The following PHACTR2 variants were observed in gnomAD, a reference collection of about 807,000 sequenced individuals.
PHACTR2 encodes chromosome 6 open reading frame 56.
Under a neutral mutation model 76.0 loss-of-function variants are expected in PHACTR2, and 30 were observed. The observed-to-expected ratio is 0.39, with a 90% CI of 0.30 to 0.54. The LOEUF is 0.54. Ranked by LOEUF, PHACTR2 falls within the 20% of genes least tolerant of loss-of-function variation. The probability of loss-of-function intolerance (pLI) is 0.61; values close to 1 mark genes in which losing one functional copy is unlikely to be tolerated. For synonymous variants in PHACTR2, 292 were observed against 292.5 expected (o/e 1.00, Z 0.02); for missense variants, 696 against 781.1 (o/e 0.89, Z 1.30).
rs1295654766 is a variant in PHACTR2, at chr6:143,696,780, A to T, written c.47-15236A>T. Reference sequence around the variant, plus strand: ...CAAAACAAACCATTTTCTTCTCTGGAAGCTTTAGTGTGGAAATACCTAAGT... The same window carrying T: ...CAAAACAAACCATTTTCTTCTCTGGTAGCTTTAGTGTGGAAATACCTAAGT... On this transcript the variant is annotated intron_variant, in intron 1 of 12. Coordinates refer to ENST00000440869, the MANE Select transcript of PHACTR2 (RefSeq NM_001100164.2). This position sits in a 1 kb window ranked among gnomAD's most constrained non-coding sequence, Gnocchi z 4.1. 1.3e-5 allele frequency among the ~76,000 whole-genome samples: 2 copies of T among 152,182 alleles called. No individual in the cohort carries two copies. Among genetic ancestry groups the T allele is most frequent in the Non-Finnish European group, 2.9e-5 (2 of 68,030 alleles).
chr6:143,568,195 C>T (rs1294937260), intron 1 of PHACTR2, among the ~76,000 whole-genome samples: 2 of 152,122 alleles, frequency 1.3e-5, no homozygotes, highest in Non-Finnish European at 2.9e-5. Flanking sequence ...AATCCCAGAC[C>T]TGGTTTTGCC....
In PHACTR2 at chr6:143,646,051, G is replaced by C. The variant is rs1421776271; in HGVS notation, c.13+37729G>C. 1.3e-5 allele frequency among the ~76,000 whole-genome samples: 2 copies of C among 152,108 alleles called. No individual in the cohort carries two copies. Among genetic ancestry groups the C allele is most frequent in the African/African-American group, 4.8e-5 (2 of 41,432 alleles). On this transcript the variant is annotated intron_variant, in intron 1 of 11. Coordinates refer to the PHACTR2 transcript ENST00000305766. The surrounding 1 kb of genome is among the most constrained non-coding windows in gnomAD (Gnocchi z 4.1). ...AAAACTGGAGAAGAATAATTATGCA[G>C]AGATAAACGTGTCAGAAACAATAGA... is the stretch of plus-strand genomic sequence containing the variant.
chr6:143,768,762 G>T (rs1775020303), intron 6 of PHACTR2, among the ~76,000 whole-genome samples: 1 of 152,202 alleles, frequency 6.6e-6, no homozygotes, highest in Non-Finnish European at 1.5e-5. Flanking sequence ...TACATCATTA[G>T]CCATTGAGGC....
intron 6 of PHACTR2, among the ~76,000 whole-genome samples, chr6:143,766,535 T>G (rs1212454479): frequency 6.6e-6 from 1 of 152,232 alleles, no homozygotes; most frequent in Non-Finnish European, 1.5e-5. Flanking sequence ...GAAGCAGCAT[T>G]GAAGATAAGA....
rs1012274157 is a variant in PHACTR2, at chr6:143,546,146, T to G, written c.217+8939T>G. On this transcript the variant is annotated intron_variant, in intron 1 of 11. Coordinates refer to the PHACTR2 transcript ENST00000367584. This position sits in a 1 kb window ranked among gnomAD's most constrained non-coding sequence, Gnocchi z 4.9. ...TTAAAATACCATGCTGAGTGACTCA[T>G]TATCTTTGATCACACTTGCTGAAAT... 2.0e-5 allele frequency among the ~76,000 whole-genome samples: 3 copies of G among 152,324 alleles called. No homozygotes were observed. Among genetic ancestry groups the G allele is most frequent in the South Asian group, 2.1e-4 (1 of 4,828 alleles).
intron 6 of PHACTR2, among the ~76,000 whole-genome samples, chr6:143,766,725 C>G (rs1779570747): frequency 6.6e-6 from 1 of 152,180 alleles, no homozygotes; most frequent in Admixed American, 6.5e-5. Context: ...AGCTGGAAAC[C>G]TGGGGTTCAT....
chr6:143,613,273 C>T (rs941857496), intron 1 of PHACTR2, among the ~76,000 whole-genome samples: 1 of 152,210 alleles, frequency 6.6e-6, no homozygotes, highest in Non-Finnish European at 1.5e-5. Context: ...CCGCGCCCGG[C>T]CCATGTAAAG....
rs941893740 is a variant in PHACTR2 at position 143,656,996 on chromosome 6, C to T, written c.13+48674C>T. On this transcript the variant is annotated intron_variant, in intron 1 of 11. Transcript: ENST00000305766. This position sits in a 1 kb window ranked among gnomAD's most constrained non-coding sequence, Gnocchi z 5.3. The stretch of plus-strand genomic sequence containing the variant: ...TTTACTTTTCAAAAATTGTGGTACA[C>T]ACTGCATCTTCTCACTCATAAGTAG... 2.0e-5 allele frequency among the ~76,000 whole-genome samples: 3 copies of T among 150,880 alleles called. No homozygotes were observed. Among genetic ancestry groups the T allele is most frequent in the Non-Finnish European group, 4.4e-5 (3 of 67,896 alleles).
rs933595200 is a variant in PHACTR2, at chr6:143,608,853, C to A, written c.13+531C>A. 6.6e-6 allele frequency among the ~76,000 whole-genome samples: 1 copy of A among 152,098 alleles called. No homozygotes were observed. The highest frequency in any genetic ancestry group is 2.4e-5 in the African/African-American group (1 of 41,424). On this transcript the variant is annotated intron_variant, in intron 1 of 11. Coordinates refer to the PHACTR2 transcript ENST00000305766. This position sits in a 1 kb window ranked among gnomAD's most constrained non-coding sequence, Gnocchi z 4.6. ...AGAGACATTAGTGGTCAATTGTGAA[C>A]CTTTAAAAATGTACTTATTTTTAGT...
At chr6:143,606,840 G>T (rs577944435), upstream of PHACTR2, among the ~76,000 whole-genome samples, 31 of 152,210 alleles carry the variant, frequency 2.0e-4, no homozygotes, top group African/African-American at 6.7e-4. Context: ...CTTTAAAATT[G>T]TGTGACAGAA....
rs556818433 is a variant in PHACTR2, at chr6:143,710,115, T to C, written c.47-1901T>C. On this transcript the variant is annotated intron_variant, in intron 1 of 12. Coordinates refer to ENST00000440869, the MANE Select transcript of PHACTR2 (RefSeq NM_001100164.2). This position sits in a 1 kb window ranked among gnomAD's most constrained non-coding sequence, Gnocchi z 4.9. ...TGTTGCTACTCTGCCCCTTTCCTGGTTATGTGGCTAGAGAGTGCAGACGTT... is the reference window on the plus strand; with the variant it reads ...TGTTGCTACTCTGCCCCTTTCCTGGCTATGTGGCTAGAGAGTGCAGACGTT... Among the ~76,000 whole-genome samples the C allele has an allele frequency of 2.0e-5, 3 of 152,330 alleles. No individual in the cohort carries two copies. The highest frequency in any genetic ancestry group is 6.5e-5 in the Admixed American group (1 of 15,300).
chr6:143,622,565 G>A (rs1470002485), intron 1 of PHACTR2, among the ~76,000 whole-genome samples: 2 of 152,128 alleles, frequency 1.3e-5, no homozygotes, highest in Non-Finnish European at 2.9e-5. Context: ...ATGTTCTATA[G>A]AGCACAATGA....
chr6:143,693,185 T>A (rs1777686485), intron 1 of PHACTR2, among the ~76,000 whole-genome samples: 1 of 152,230 alleles, frequency 6.6e-6, no homozygotes, highest in South Asian at 2.1e-4. Flanking sequence ...CTTTAACGTA[T>A]GAATTTTGAG....
At chr6:143,721,924 T>C (rs1372591077) in intron 2 of PHACTR2, among the ~76,000 whole-genome samples, 1 of 152,136 alleles carries the variant, frequency 6.6e-6, no homozygotes, top group Non-Finnish European at 1.5e-5. Context: ...ACCTCATGTG[T>C]TCTTTCTTAG....
At chr6:143,636,406 T>G (rs952958063) in intron 1 of PHACTR2, among the ~76,000 whole-genome samples, 1 of 152,220 alleles carries the variant, frequency 6.6e-6, no homozygotes, top group African/African-American at 2.4e-5. Flanking sequence ...CTGATTCATT[T>G]GAAGTATCAC....
rs1199984462 is a variant in PHACTR2 at position 143,562,689 on chromosome 6, A to G, written c.217+25482A>G. On this transcript the variant is annotated intron_variant, in intron 1 of 11. Coordinates refer to the PHACTR2 transcript ENST00000367584. This position sits in a 1 kb window ranked among gnomAD's most constrained non-coding sequence, Gnocchi z 5.1. Reference sequence around the variant, plus strand: ...ATGCCACAGACTCTCATTGTGAAAGAAAAAAGCACATTAAAGAACATATCT... The same window carrying G: ...ATGCCACAGACTCTCATTGTGAAAGGAAAAAGCACATTAAAGAACATATCT... Among the ~76,000 whole-genome samples, 1 of 152,228 alleles carries G rather than the reference A, an allele frequency of 6.6e-6. No individual in the cohort carries two copies. Among genetic ancestry groups the G allele is most frequent in the Non-Finnish European group, 1.5e-5 (1 of 68,042 alleles).
rs1180976624 is a variant in PHACTR2 at position 143,830,995 on chromosome 6, A to G, written c.*7306A>G. On this transcript the variant is annotated 3_prime_UTR_variant, in exon 13 of 13. Coordinates refer to ENST00000440869, the MANE Select transcript of PHACTR2 (RefSeq NM_001100164.2). The stretch of plus-strand genomic sequence containing the variant: ...GGTCTTGAGACATGTAAGGCCTGGT[A>G]CTTTTTATTTAAAATGTCTGTCTAA... 6.6e-6 allele frequency: 1 copy of G among 152,230 alleles called. No individual in the cohort carries two copies. 9.4% of individuals were successfully genotyped at this position (152,230 alleles called of 1,614,324 possible).
At chr6:143,577,220 C>T (rs1315375198) in intron 1 of PHACTR2, among the ~76,000 whole-genome samples, 2 of 152,178 alleles carry the variant, frequency 1.3e-5, no homozygotes, top group Non-Finnish European at 2.9e-5. Flanking sequence ...TGTATTTTAG[C>T]ATGCTCTGTG....
rs1217921558 is a variant in PHACTR2 at position 143,719,556 on chromosome 6, G to A, written c.214+7373G>A. Reference sequence around the variant, plus strand: ...GTAGAGACAGGGTTTCACCATGTTAGCCAGGCTGGTCTTGAACTCCTGACC... The same window carrying A: ...GTAGAGACAGGGTTTCACCATGTTAACCAGGCTGGTCTTGAACTCCTGACC... On this transcript the variant is annotated intron_variant, in intron 2 of 12. Coordinates refer to ENST00000440869, the MANE Select transcript of PHACTR2 (RefSeq NM_001100164.2). Among the ~76,000 whole-genome samples, 6 of 149,056 alleles carry A rather than the reference G, an allele frequency of 4.0e-5. 1 individual carries two copies. In the South Asian group the frequency reaches 8.6e-4, roughly 21 times the overall value.
Sources: allele counts gnomAD v4.1 joint callset (sites outside exome capture counted in the v4.1 genomes callset), GRCh38; gene constraint gnomAD v4.1.1; non-coding constraint Gnocchi (gnomAD v3.1); transcripts MANE v1.5; gene names NCBI Gene and HGNC (gene_info 2026-07-23, HGNC 2026-07-21).